GGT1: variants seen among roughly 807,000 people sequenced by gnomAD.
GGT1 encodes glutathione hydrolase 1 proenzyme.
Under a neutral mutation model 56.0 loss-of-function variants are expected in GGT1, and 21 were observed. The ratio of observed to expected loss-of-function variants is 0.38; its 90% CI spans 0.27 to 0.54. The LOEUF is 0.54. GGT1 is among the 20% of genes least tolerant of loss of function. GGT1 has a pLI of 0.82. For missense variants in GGT1, 466 were observed against 787.0 expected (o/e 0.59, Z 4.88); for synonymous variants, 238 against 342.6 (o/e 0.69, Z 3.37).
rs1190275019 is a variant in GGT1 at position 24,620,424 on chromosome 22, G to T, written c.479G>T (p.Ser160Ile). ...RLPWARLFQP[S>I]IQLARQGFPV... ...CCCTGGGCTCGCCTCTTCCAGCCCA[G>T]CATCCAGCTGGCCCGCCAGGGCTTC... is the stretch of plus-strand genomic sequence containing the variant. The change falls in exon 8 of 16, where the codon AGC becomes ATC. Residue 160 changes from serine (S) to isoleucine (I), a missense_variant. Physicochemically the swap from Ser to Ile is moderately radical, Grantham distance 142. Around this residue, in one of 2 missense-constraint regions of GGT1, gnomAD observed 456 missense variants for 716.7 expected, o/e 0.64. Coordinates refer to ENST00000400382, the MANE Select transcript of GGT1 (RefSeq NM_001288833.2). This position sits in a 1 kb window ranked among gnomAD's most constrained non-coding sequence, Gnocchi z 5.6. 1 of 1,611,522 alleles carries T rather than the reference G, an allele frequency of 6.2e-7. No individual in the cohort carries two copies. Among genetic ancestry groups the T allele is most frequent in the Non-Finnish European group, 8.5e-7 (1 of 1,179,730 alleles).
chr22:24,614,984 C>A (rs543998550), intron 6 of GGT1, 57 bp from the exon 7 acceptor site: 295 of 1,465,688 alleles, frequency 2.0e-4, no homozygotes, highest in Non-Finnish European at 2.2e-4. Flanking sequence ...GGTCCCCAGG[C>A]TCACGTGGCA....
chr22:24,604,117 C>A (rs776776242), intron 1 of GGT1, among the ~76,000 whole-genome samples: 13 of 149,896 alleles, frequency 8.7e-5, no homozygotes, highest in Admixed American at 2.7e-4. Context: ...GGGCTGTAGG[C>A]AGTCCTGGGG....
chr22:24,591,009 C>T (rs2045552603), upstream of GGT1, among the ~76,000 whole-genome samples: 1 of 152,246 alleles, frequency 6.6e-6, no homozygotes, highest in Admixed American at 6.5e-5. Flanking sequence ...CCCTGGCCTT[C>T]CTGCCTCACT....
At chr22:24,604,236 C>A (rs996463106) in intron 1 of GGT1, among the ~76,000 whole-genome samples, 1 of 152,118 alleles carries the variant, frequency 6.6e-6, no homozygotes, top group Non-Finnish European at 1.5e-5. Context: ...GGTCTGCAGA[C>A]TTCCTGGGGC....
the GGT1 span, among the ~76,000 whole-genome samples, chr22:24,586,832 C>G: frequency 6.6e-6 from 1 of 152,202 alleles, no homozygotes; most frequent in Non-Finnish European, 1.5e-5. Context: ...CGCCCGGGCC[C>G]AAACTGTCAC....
chr22:24,595,003 A>C (rs1441937989), intron 1 of GGT1: 2 of 152,194 alleles, frequency 1.3e-5, no homozygotes, highest in African/African-American at 4.8e-5. Flanking sequence ...TGTCCCCTCA[A>C]ATGTGAGAAT....
At chr22:24,610,930 G>A (rs895973727) in intron 4 of GGT1, 145 bp from the exon 5 acceptor site, 52 of 677,748 alleles carry the variant, frequency 7.7e-5, no homozygotes, top group East Asian at 3.0e-4. Flanking sequence ...TCTGGGGGCC[G>A]GACAGCCTGC....
In GGT1 at chr22:24,614,348, CAAAAAAA is replaced by C. The variant is rs534749815; in HGVS notation, c.165-405_165-399del. The stretch of plus-strand genomic sequence containing the variant: ...TGAGCAACAAAGAGAGACTTTGTCT[CAAAAAAA>C]AAAAAAAAAAAAAAAAAAAAAAGAG... On this transcript the variant is annotated intron_variant, in intron 5 of 15. Transcript: ENST00000400382. Among the ~76,000 whole-genome samples, 5 of 10,746 alleles carry C rather than the reference CAAAAAAA, an allele frequency of 4.7e-4. No homozygotes were observed. The East Asian group carries it at 7.6e-3, about 16-fold the overall frequency. The allele number at this position is 10,746 out of a possible 152,430, so 7.0% of individuals were successfully genotyped here.
upstream of GGT1, among the ~76,000 whole-genome samples, chr22:24,599,576 G>A (rs1246825338): frequency 2.0e-5 from 3 of 152,020 alleles, no homozygotes; most frequent in East Asian, 1.9e-4. Flanking sequence ...GGTCAGGTGA[G>A]GCTGGTAGTG....
At chr22:24,614,959 G>A (rs532581449) in intron 6 of GGT1, 53 bp downstream of exon 6, 96 of 1,590,460 alleles carry the variant, frequency 6.0e-5, no homozygotes, top group Admixed American at 3.7e-4. Context: ...GGGTTGGGCC[G>A]AGGCACAGCT....
chr22:24,593,859 T>A (rs772447179), upstream of GGT1, among the ~76,000 whole-genome samples: 5 of 152,000 alleles, frequency 3.3e-5, no homozygotes, highest in African/African-American at 1.2e-4. Context: ...TCACGCTACA[T>A]GGACACTCCT....
intron 5 of GGT1, among the ~76,000 whole-genome samples, chr22:24,614,118 G>A (rs1404156556): frequency 3.3e-5 from 5 of 152,058 alleles, no homozygotes; most frequent in African/African-American, 1.2e-4. Context: ...AAGGTGGGTG[G>A]ATCACTTGAG....
chr22:24,597,922 C>T (rs1470614294), intron 1 of GGT1: 1 of 152,186 alleles, frequency 6.6e-6, no homozygotes. Context: ...AAGACCAACC[C>T]CCATCCCACC....
At chr22:24,594,370 G>A (rs991652413), upstream of GGT1, among the ~76,000 whole-genome samples, 8 of 148,352 alleles carry the variant, frequency 5.4e-5, no homozygotes, top group African/African-American at 2.0e-4. Context: ...TATGAGGGAC[G>A]ACAGCCAAGC....
chr22:24,618,120 G>C (rs949110756), intron 7 of GGT1, among the ~76,000 whole-genome samples: 15 of 152,138 alleles, frequency 9.9e-5, no homozygotes, highest in African/African-American at 3.6e-4. Flanking sequence ...GTACATGTGA[G>C]TGCTTGTTAC....
intron 7 of GGT1, among the ~76,000 whole-genome samples, chr22:24,616,689 C>T (rs184549535): frequency 5.1e-4 from 77 of 151,570 alleles, no homozygotes; most frequent in Non-Finnish European, 1.5e-4. Context: ...GGACTACAGG[C>T]GCCTGCCACC....
intron 5 of GGT1, among the ~76,000 whole-genome samples, chr22:24,611,795 G>GTC (rs946062227): frequency 7.3e-6 from 1 of 136,322 alleles, no homozygotes; most frequent in Non-Finnish European, 1.5e-5. Flanking sequence ...GTGTGTGTGT[G>GTC]TGTGTGTGTG....
intron 4 of GGT1, 128 bp from the exon 5 acceptor site, chr22:24,610,947 T>C: frequency 2.6e-6 from 2 of 763,268 alleles, no homozygotes; most frequent in South Asian, 1.7e-5. Flanking sequence ...CTGCACGTAT[T>C]CTGGGAAGCG....
intron 11 of GGT1, chr22:24,627,122 C>T: frequency 1.5e-6 from 1 of 680,130 alleles, no homozygotes; most frequent in Non-Finnish European, 2.3e-6. Context: ...TGTTGATTCC[C>T]CAGTGCCAGG....
Sources: allele counts gnomAD v4.1 joint callset (sites outside exome capture counted in the v4.1 genomes callset), GRCh38; gene constraint gnomAD v4.1.1; regional missense constraint gnomAD v4.1.1; non-coding constraint Gnocchi (gnomAD v3.1); transcripts MANE v1.5; gene names NCBI Gene and HGNC (gene_info 2026-07-23, HGNC 2026-07-21).